AFG2A: variants seen among roughly 807,000 people sequenced by gnomAD.
AFG2A encodes AAA ATPase AFG2A.
chr4:123,261,424 A>G, the AFG2A span, among the ~76,000 whole-genome samples: 1 of 152,222 alleles, frequency 6.6e-6, no homozygotes, highest in Admixed American at 6.5e-5. Context: ...CAATACAACA[A>G]CAAAAAGTAC....
the AFG2A span, among the ~76,000 whole-genome samples, chr4:123,186,171 A>G: frequency 2.6e-5 from 4 of 152,198 alleles, no homozygotes; most frequent in Non-Finnish European, 4.4e-5. Context: ...CAAAAATTCT[A>G]TAGGTTTTAA....
the AFG2A span, among the ~76,000 whole-genome samples, chr4:123,168,815 G>A: frequency 6.6e-6 from 1 of 152,216 alleles, no homozygotes; most frequent in Non-Finnish European, 1.5e-5. Context: ...GGGAAACTCA[G>A]TATTACCATG....
chr4:122,927,379 A>G, the AFG2A span, among the ~76,000 whole-genome samples: 5 of 152,192 alleles, frequency 3.3e-5, no homozygotes, highest in Non-Finnish European at 7.4e-5. Context: ...GAGACTCAGA[A>G]AAAAAGAAAC....
At chr4:122,960,257 C>T in the AFG2A span, among the ~76,000 whole-genome samples, 1 of 152,100 alleles carries the variant, frequency 6.6e-6, no homozygotes, top group Non-Finnish European at 1.5e-5. Context: ...TATTAATTCC[C>T]TCAAAATTTA....
chr4:123,040,081 TTTTC>T, the AFG2A span, among the ~76,000 whole-genome samples: 9 of 152,132 alleles, frequency 5.9e-5, no homozygotes, highest in African/African-American at 2.2e-4. Context: ...TTCTTATTCA[TTTTC>T]TTTTGTATAT....
chr4:122,923,227 G>T, the AFG2A span: 2 of 1,614,112 alleles, frequency 1.2e-6, no homozygotes, highest in African/African-American at 2.7e-5. Context: ...CTCTTGTGCG[G>T]AGGCACGGGC....
the AFG2A span, among the ~76,000 whole-genome samples, chr4:123,067,521 A>C: frequency 6.6e-6 from 1 of 151,746 alleles, no homozygotes; most frequent in Non-Finnish European, 1.5e-5. Flanking sequence ...CATCCCCCCC[A>C]AAAAAAAGAA....
chr4:123,299,143 G>GTT, the AFG2A span, among the ~76,000 whole-genome samples: 1 of 151,912 alleles, frequency 6.6e-6, no homozygotes, highest in African/African-American at 2.4e-5. Context: ...GTGTGTGTGT[G>GTT]TGTGTGTGTC....
At chr4:123,030,956 T>G in the AFG2A span, among the ~76,000 whole-genome samples, 1 of 152,210 alleles carries the variant, frequency 6.6e-6, no homozygotes, top group South Asian at 2.1e-4. Flanking sequence ...ACATGTACTA[T>G]TCGTTCAACT....
chr4:123,012,742 A>T, the AFG2A span, among the ~76,000 whole-genome samples: 1 of 152,208 alleles, frequency 6.6e-6, no homozygotes, highest in African/African-American at 2.4e-5. Flanking sequence ...CAAGATTGAA[A>T]GGAGAAAGAG....
chr4:123,198,303 C>T, the AFG2A span, among the ~76,000 whole-genome samples: 1 of 151,834 alleles, frequency 6.6e-6, no homozygotes, highest in Non-Finnish European at 1.5e-5. Context: ...CTGGAGTCAC[C>T]GAGCATGTAG....
the AFG2A span, among the ~76,000 whole-genome samples, chr4:123,158,104 A>G: frequency 6.6e-6 from 1 of 152,308 alleles, no homozygotes; most frequent in African/African-American, 2.4e-5. Context: ...GTGAATGATG[A>G]AAGTGAGTAG....
At chr4:123,056,466 C>A in the AFG2A span, 1 of 1,605,918 alleles carries the variant, frequency 6.2e-7, no homozygotes. Context: ...TTTAGTGGCA[C>A]TCAGCACAGG....
the AFG2A span, among the ~76,000 whole-genome samples, chr4:122,947,790 A>G: frequency 6.6e-6 from 1 of 152,170 alleles, no homozygotes; most frequent in Admixed American, 6.5e-5. Context: ...TGGTCTGAAA[A>G]TATTCAGGAA....
the AFG2A span, among the ~76,000 whole-genome samples, chr4:123,097,755 G>A: frequency 1.3e-5 from 2 of 152,222 alleles, no homozygotes; most frequent in South Asian, 4.1e-4. Flanking sequence ...CTGGTGAGAG[G>A]TTGTATGCAT....
chr4:123,241,812 T>C, the AFG2A span, among the ~76,000 whole-genome samples: 3 of 152,174 alleles, frequency 2.0e-5, no homozygotes, highest in African/African-American at 7.2e-5. Flanking sequence ...AAACAAAGGT[T>C]ATTCAATTTA....
At chr4:122,931,260 G>A in the AFG2A span, among the ~76,000 whole-genome samples, 40 of 152,170 alleles carry the variant, frequency 2.6e-4, no homozygotes, top group South Asian at 6.6e-3. Context: ...GGAGATACAT[G>A]CAATTTTCTC....
At chr4:123,274,509 A>T in the AFG2A span, among the ~76,000 whole-genome samples, 1 of 151,726 alleles carries the variant, frequency 6.6e-6, no homozygotes, top group Admixed American at 6.6e-5. Context: ...TACCTTGGGT[A>T]TGAGTTTTGA....
the AFG2A span, among the ~76,000 whole-genome samples, chr4:123,274,949 T>C: frequency 2.0e-5 from 3 of 152,272 alleles, no homozygotes; most frequent in East Asian, 5.8e-4. Context: ...ATTCAGCTGC[T>C]TTGGTGTTGT....
Sources: allele counts gnomAD v4.1 joint callset (sites outside exome capture counted in the v4.1 genomes callset), GRCh38; gene constraint gnomAD v4.1.1; transcripts MANE v1.5; gene names NCBI Gene and HGNC (gene_info 2026-07-23, HGNC 2026-07-21).